The following GPR21 variants were observed in gnomAD, a reference collection of about 807,000 sequenced individuals.
The protein encoded by GPR21 is G protein-coupled receptor 21, also known as probable G protein-coupled receptor 21.
In GPR21, 9 loss-of-function variants were observed where a neutral mutation model predicts 21.5. The observed-to-expected ratio is 0.42, with a 90% CI of 0.25 to 0.73. The LOEUF (loss-of-function observed/expected upper bound fraction) is 0.73, where lower values mean the gene tolerates loss of function less well. Ranked by LOEUF, GPR21 falls within the 30% of genes least tolerant of loss-of-function variation. The pLI is 0.27. For synonymous variants in GPR21, 169 were observed against 159.3 expected, an observed-to-expected ratio of 1.06 and a Z score of -0.46; for missense variants, 416 against 428.9, an observed-to-expected ratio of 0.97 and a Z score of 0.27.
the GPR21 span, among the ~76,000 whole-genome samples, chr9:123,043,924 G>C: frequency 2.6e-4 from 36 of 140,610 alleles, no homozygotes; most frequent in African/African-American, 9.6e-4. Flanking sequence ...TTTTTGAGAC[G>C]GAGTCTCACT....
In GPR21 at chr9:123,035,112, G is replaced by A. The variant is rs769282099; in HGVS notation, c.546G>A (p.Ala182=). Reference sequence around the variant, plus strand: ...ATGGAGATGTGTTTCAGTGGTGTGCGGAGTCCTGGCACACCGACTCCTACT... The same window carrying A: ...ATGGAGATGTGTTTCAGTGGTGTGCAGAGTCCTGGCACACCGACTCCTACT... ...GYHGDVFQWC[A]ESWHTDSYFT... The change falls in exon 2 of 2, where the codon GCG becomes GCA. Residue 182 remains alanine, a synonymous_variant. Coordinates refer to ENST00000616002, the MANE Select transcript of GPR21 (RefSeq NM_005294.3). 62 of 1,613,660 alleles carry A rather than the reference G, an allele frequency of 3.8e-5. No individual in the cohort carries two copies. The highest frequency in any genetic ancestry group is 4.3e-5 in the Non-Finnish European group (51 of 1,179,752).
the GPR21 span, among the ~76,000 whole-genome samples, chr9:123,047,705 A>G: frequency 6.6e-6 from 1 of 152,060 alleles, no homozygotes; most frequent in African/African-American, 2.4e-5. Context: ...CTTTATAAAA[A>G]TTCAAAATTA....
downstream of GPR21, among the ~76,000 whole-genome samples, chr9:123,036,101 T>C (rs2032644048): frequency 6.6e-6 from 1 of 152,258 alleles, no homozygotes; most frequent in Non-Finnish European, 1.5e-5. Context: ...TTACTTTTTA[T>C]GTATGCCAAA....
the GPR21 span, among the ~76,000 whole-genome samples, chr9:123,046,789 C>A: frequency 6.6e-6 from 1 of 152,102 alleles, no homozygotes; most frequent in Admixed American, 6.5e-5. Context: ...GAATACATGG[C>A]TAAGGGATTT....
At chr9:123,047,837 G>A in the GPR21 span, among the ~76,000 whole-genome samples, 2 of 149,276 alleles carry the variant, frequency 1.3e-5, no homozygotes, top group Admixed American at 1.3e-4. Context: ...TACATGACTG[G>A]TATCATTCAA....
the GPR21 span, among the ~76,000 whole-genome samples, chr9:123,045,477 C>T: frequency 6.6e-6 from 1 of 152,094 alleles, no homozygotes; most frequent in African/African-American, 2.4e-5. Context: ...CATTATATAT[C>T]ATTAACATCA....
chr9:123,039,668 G>A (rs1002046539), downstream of GPR21, among the ~76,000 whole-genome samples: 12 of 152,008 alleles, frequency 7.9e-5, no homozygotes, highest in African/African-American at 2.2e-4. Flanking sequence ...CTGTAGCTTC[G>A]GCCCAGAGAA....
downstream of GPR21, among the ~76,000 whole-genome samples, chr9:123,035,991 T>A (rs1032390509): frequency 8.5e-5 from 13 of 152,220 alleles, no homozygotes; most frequent in Non-Finnish European, 1.8e-4. Flanking sequence ...AAGTCATCAC[T>A]TTCTTGTCAC....
downstream of GPR21, among the ~76,000 whole-genome samples, chr9:123,040,397 A>G (rs565102023): frequency 1.8e-4 from 27 of 152,290 alleles, no homozygotes; most frequent in African/African-American, 5.5e-4. Flanking sequence ...CTTGGTGGGA[A>G]TGGAATCTCA....
chr9:123,044,642 TG>T, the GPR21 span, among the ~76,000 whole-genome samples: 1 of 151,948 alleles, frequency 6.6e-6, no homozygotes, highest in Non-Finnish European at 1.5e-5. Flanking sequence ...TGTGTGTGTG[TG>T]TGTGTGTGTG....
the GPR21 span, among the ~76,000 whole-genome samples, chr9:123,047,453 A>ACTACATAG: frequency 1.3e-5 from 2 of 152,180 alleles, no homozygotes; most frequent in African/African-American, 4.8e-5. Context: ...AGAGTCCTTT[A>ACTACATAG]AGGCATTACT....
At chr9:123,043,828 T>A in the GPR21 span, among the ~76,000 whole-genome samples, 1 of 152,014 alleles carries the variant, frequency 6.6e-6, no homozygotes, top group Non-Finnish European at 1.5e-5. Flanking sequence ...GAATAGGGTA[T>A]GAAGAGTGAA....
the GPR21 span, among the ~76,000 whole-genome samples, chr9:123,047,012 A>T: frequency 1.1e-3 from 162 of 152,344 alleles, no homozygotes; most frequent in African/African-American, 3.8e-3. Flanking sequence ...CCTCCTTTAG[A>T]CTCAGTCATT....
chr9:123,041,639 A>G, the GPR21 span, among the ~76,000 whole-genome samples: 1 of 152,216 alleles, frequency 6.6e-6, no homozygotes, highest in Non-Finnish European at 1.5e-5. Flanking sequence ...AGAGATGATG[A>G]CAGACAGTGA....
At chr9:123,037,165 A>G (rs1564151429), downstream of GPR21, among the ~76,000 whole-genome samples, 1 of 152,174 alleles carries the variant, frequency 6.6e-6, no homozygotes, top group Non-Finnish European at 1.5e-5. Context: ...GTTAAAGTGG[A>G]TTTCTGAATC....
the GPR21 span, among the ~76,000 whole-genome samples, chr9:123,044,888 T>TA: frequency 6.6e-6 from 1 of 152,066 alleles, no homozygotes; most frequent in African/African-American, 2.4e-5. Context: ...TGAGATTTCG[T>TA]AAAGTATCCA....
chr9:123,039,959 T>A (rs896379350), downstream of GPR21, among the ~76,000 whole-genome samples: 3 of 152,178 alleles, frequency 2.0e-5, no homozygotes, highest in Non-Finnish European at 4.4e-5. Flanking sequence ...TCCTTGATAC[T>A]GCCATAGGGT....
the GPR21 span, among the ~76,000 whole-genome samples, chr9:123,043,823 G>A: frequency 2.0e-5 from 3 of 152,096 alleles, no homozygotes; most frequent in Non-Finnish European, 4.4e-5. Context: ...CTAAGGAATA[G>A]GGTATGAAGA....
Position 123,035,328 on chromosome 9 carries a change from G to C in GPR21, c.762G>C (p.Leu254=). ...CTGATAAGCGCTATGCCATGGTCCT[G>C]TTTCGAATCACTAGTGTATTTTACA... ...ACPDKRYAMV[L]FRITSVFYIL... The change falls in exon 2 of 2, where the codon CTG becomes CTC. Residue 254 remains leucine, a synonymous_variant. Transcript: ENST00000616002. The C allele has an allele frequency of 6.2e-7, 1 of 1,614,160 alleles. No individual in the cohort carries two copies. Among genetic ancestry groups the C allele is most frequent in the African/African-American group, 1.3e-5 (1 of 75,028 alleles).
Sources: gnomAD v4.1 joint callset for allele counts (sites outside exome capture counted in the v4.1 genomes callset) on GRCh38, gnomAD v4.1.1 for gene constraint, MANE v1.5 for transcripts, NCBI Gene and HGNC (gene_info 2026-07-23, HGNC 2026-07-21) for gene names.